Variants in PAX8 observed in about 807,000 individuals in gnomAD.
PAX8 encodes paired box 8.
Under a neutral mutation model 52.4 loss-of-function variants are expected in PAX8, and 15 were observed. The observed-to-expected ratio is 0.29, with a 90% confidence interval of 0.19 to 0.44. The LOEUF (loss-of-function observed/expected upper bound fraction) is 0.44. Ranked by LOEUF, PAX8 falls within the 20% of genes least tolerant of loss-of-function variation. PAX8 has a pLI of 1.00. For synonymous variants in PAX8, 284 were observed against 249.7 expected (o/e 1.14, Z -1.29); for missense variants, 554 against 602.5 (o/e 0.92, Z 0.84).
At chr2:113,244,672 T>A (rs376156272) in intron 3 of PAX8, 48 bp from the exon 4 acceptor site, 2 of 1,567,074 alleles carry the variant, frequency 1.3e-6, no homozygotes, top group African/African-American at 2.7e-5. Context: ...GCAGGTGGGG[T>A]CTTTAGACAG....
chr2:113,232,236 C>G (rs910099001), intron 9 of PAX8, among the ~76,000 whole-genome samples: 2 of 152,210 alleles, frequency 1.3e-5, no homozygotes, highest in African/African-American at 2.4e-5. Flanking sequence ...AGGCCAACAC[C>G]CTGAGCTCAG....
At chr2:113,247,602 CAG>C (rs1462576073) in intron 2 of PAX8, among the ~76,000 whole-genome samples, 3 of 152,214 alleles carry the variant, frequency 2.0e-5, no homozygotes, top group Admixed American at 1.3e-4. Flanking sequence ...AGGACTGACA[CAG>C]GGGCTACAGG....
At position 113,244,326 on chromosome 2, in the gene PAX8, C is replaced by T. The variant is rs74370449; in HGVS notation, c.389+101G>A. ...GATTGTTCAGCATCAGGCCCCTTCC[C>T]GGCCTCTGCTCCACCCAAGCCAGGC... On this transcript the variant is annotated intron_variant, in intron 4 of 11. Coordinates refer to ENST00000429538, the MANE Select transcript of PAX8 (RefSeq NM_003466.4). 0.051 allele frequency: 46,440 copies of T among 903,150 alleles called. 1,921 individuals are homozygous for T. Among genetic ancestry groups the T allele is most frequent in the South Asian group, 0.14 (10,784 of 76,334 alleles). The allele number at this position is 903,150 out of a possible 1,614,324, so 55.9% of individuals were successfully genotyped here.
Position 113,217,106 on chromosome 2 carries a change from G to A in PAX8, c.*1427C>T, listed in dbSNP as rs904973559. 1 of 229,318 alleles carries A rather than the reference G, an allele frequency of 4.4e-6. No individual in the cohort carries two copies. The highest frequency in any genetic ancestry group is 8.7e-6 in the Non-Finnish European group (1 of 115,552). 14.2% of individuals were successfully genotyped at this position (229,318 alleles called of 1,614,324 possible). On this transcript the variant is annotated 3_prime_UTR_variant, in exon 12 of 12. Transcript: ENST00000429538. ...TAATAACAACAGCAACTCCTTGTGG[G>A]GAGTCTATGGTTGGCTCAGTACTGT...
chr2:113,233,956 G>A (rs1417734479), intron 9 of PAX8, among the ~76,000 whole-genome samples: 2 of 152,202 alleles, frequency 1.3e-5, no homozygotes, highest in Non-Finnish European at 2.9e-5. Flanking sequence ...CTCTGTGACA[G>A]GTCTCACACA....
At chr2:113,235,344 C>A (rs1187325044) in intron 9 of PAX8, 50 bp downstream of exon 9, 4 of 1,491,402 alleles carry the variant, frequency 2.7e-6, no homozygotes, top group Non-Finnish European at 2.7e-6. Flanking sequence ...TGAGGACCCC[C>A]GTCCCACCCG....
chr2:113,263,763 A>C (rs1692858010), intron 2 of PAX8, among the ~76,000 whole-genome samples: 1 of 152,150 alleles, frequency 6.6e-6, no homozygotes, highest in African/African-American at 2.4e-5. Flanking sequence ...CATGGGAAAG[A>C]CTGTGGGTGG....
Position 113,278,847 on chromosome 2 carries a change from A to G in PAX8, c.-92T>C. 1 of 1,067,872 alleles carries G rather than the reference A, an allele frequency of 9.4e-7. No individual in the cohort carries two copies. Among genetic ancestry groups the G allele is most frequent in the Non-Finnish European group, 1.1e-6 (1 of 879,966 alleles). The allele number at this position is 1,067,872 out of a possible 1,614,324, so 66.1% of individuals were successfully genotyped here. On this transcript the variant is annotated 5_prime_UTR_variant, in exon 1 of 12. Transcript: ENST00000429538. ...GTGACATACCTGGCCGGCCGGCTGC[A>G]GGCCCTCACTGCTTGGGTCCGCCCG...
intron 7 of PAX8, 128 bp downstream of exon 7, chr2:113,241,423 A>G: frequency 2.3e-6 from 2 of 874,820 alleles, no homozygotes; most frequent in South Asian, 2.8e-5. Context: ...TTGGAGTTGC[A>G]TAAGGCAGGT....
rs1261825602 is a variant in PAX8, at chr2:113,241,592, G to A, written c.736C>T (p.Pro246Ser). The A allele has an allele frequency of 6.2e-7, 1 of 1,612,470 alleles. No individual in the cohort carries two copies. ...TGGCTGGGGGAGGCATAGGCCTCTG[G>A]GTAGTGCTGCCGCTCAAATGGGCAC... ...LECPFERQHYPEAYASPSHTK... is the reference protein window; with the variant it reads ...LECPFERQHYSEAYASPSHTK... The change falls in exon 7 of 12, where the codon CCA becomes TCA. Residue 246 changes from proline (P) to serine (S), a missense_variant. This residue lies in a region of PAX8 where 445 missense variants were observed against 409.9 expected (regional missense o/e 1.09). Coordinates refer to ENST00000429538, the MANE Select transcript of PAX8 (RefSeq NM_003466.4).
At chr2:113,235,184 C>T (rs1320384724) in intron 9 of PAX8, among the ~76,000 whole-genome samples, 3 of 152,114 alleles carry the variant, frequency 2.0e-5, no homozygotes, top group African/African-American at 7.2e-5. Context: ...TGGTGCATCC[C>T]CGGCACCCCT....
intron 2 of PAX8, among the ~76,000 whole-genome samples, chr2:113,261,532 G>A (rs1034941692): frequency 2.7e-4 from 41 of 152,320 alleles, no homozygotes; most frequent in African/African-American, 7.5e-4. Context: ...GGGCTGCCAC[G>A]GCTTACAGAC....
intron 2 of PAX8, among the ~76,000 whole-genome samples, chr2:113,262,532 C>T (rs991776207): frequency 3.9e-5 from 6 of 152,158 alleles, no homozygotes; most frequent in Non-Finnish European, 7.3e-5. Context: ...GGGACTGAAA[C>T]GGACTAAGGA....
chr2:113,241,127 G>C (rs1053291237), intron 7 of PAX8: 2 of 331,152 alleles, frequency 6.0e-6, no homozygotes, highest in Non-Finnish European at 1.2e-5. Flanking sequence ...GTGAGCTCGG[G>C]GCCATGAGTA....
intron 10 of PAX8, chr2:113,226,652 T>C (rs934779531): frequency 1.8e-6 from 2 of 1,095,724 alleles, no homozygotes; most frequent in African/African-American, 3.4e-5. Flanking sequence ...ATATATTTCA[T>C]CATCATCATC....
At chr2:113,238,447 G>A (rs1353349924) in intron 7 of PAX8, 1 of 152,578 alleles carries the variant, frequency 6.6e-6, no homozygotes, top group Non-Finnish European at 1.5e-5. Flanking sequence ...CTTTATGGAT[G>A]TGTTGTTTTG....
intron 2 of PAX8, chr2:113,268,085 G>A (rs994385050): frequency 1.3e-5 from 2 of 152,366 alleles, no homozygotes; most frequent in East Asian, 3.8e-4. Flanking sequence ...TAATCCCCCC[G>A]GTTGTCTGTA....
intron 2 of PAX8, chr2:113,272,725 T>TA (rs1412193059): frequency 9.8e-5 from 15 of 152,346 alleles, no homozygotes; most frequent in African/African-American, 3.4e-4. Context: ...CAGAATGTGT[T>TA]AGCTCCCTCC....
At chr2:113,239,881 C>T (rs1431878408) in intron 7 of PAX8, 2 of 152,186 alleles carry the variant, frequency 1.3e-5, no homozygotes, top group Admixed American at 1.3e-4. Flanking sequence ...CTTGGATTAT[C>T]TCCACACAAA....
Sources: allele counts gnomAD v4.1 joint callset (sites outside exome capture counted in the v4.1 genomes callset), GRCh38; gene constraint gnomAD v4.1.1; regional missense constraint gnomAD v4.1.1; transcripts MANE v1.5; gene names NCBI Gene and HGNC (gene_info 2026-07-23, HGNC 2026-07-21).